The following SPOCK1 variants were observed in gnomAD, a reference collection of about 807,000 sequenced individuals.
SPOCK1 encodes the protein testican-1.
A neutral mutation model predicts 55.3 loss-of-function variants in SPOCK1; 23 were observed. The ratio of observed to expected loss-of-function variants is 0.42; its 90% CI spans 0.30 to 0.59. The LOEUF is 0.59. SPOCK1 is among the 20% of genes least tolerant of loss of function. The pLI is 0.22. For synonymous variants in SPOCK1, 226 were observed against 221.0 expected (o/e 1.02, Z -0.20); for missense variants, 499 against 552.5 (o/e 0.90, Z 0.97).
rs143114620 is a variant in SPOCK1, at chr5:137,173,279, G to C, written c.233-32585C>G. ...ACTACAGCCAAGAAGGTAGCCCTTA[G>C]AGTTGACCTTTTCCAATGTATGGCC... On this transcript the variant is annotated intron_variant, in intron 3 of 10. Transcript: ENST00000394945. Among the ~76,000 whole-genome samples, 132 of 152,230 alleles carry C rather than the reference G, an allele frequency of 8.7e-4. 1 individual carries two copies. Among genetic ancestry groups the C allele is most frequent in the African/African-American group, 3.1e-3 (128 of 41,542 alleles).
chr5:137,192,260 A>C (rs1243926916), intron 3 of SPOCK1, among the ~76,000 whole-genome samples: 1 of 151,104 alleles, frequency 6.6e-6, no homozygotes, highest in Non-Finnish European at 1.5e-5. Context: ...AAAAAAGAAA[A>C]GGAAAACAAG....
intron 2 of SPOCK1, among the ~76,000 whole-genome samples, chr5:137,411,598 G>C (rs1752209322): frequency 6.6e-6 from 1 of 152,198 alleles, no homozygotes; most frequent in Admixed American, 6.5e-5. Flanking sequence ...GAAGCAAAGA[G>C]ACCCCAGGCT....
chr5:137,367,763 C>A (rs1329638485), intron 2 of SPOCK1, among the ~76,000 whole-genome samples: 1 of 152,192 alleles, frequency 6.6e-6, no homozygotes, highest in Non-Finnish European at 1.5e-5. Context: ...ACGTTGGAAC[C>A]AACACCATTT....
chr5:137,080,809 T>C (rs1289361025), intron 5 of SPOCK1, among the ~76,000 whole-genome samples: 1 of 152,190 alleles, frequency 6.6e-6, no homozygotes, highest in African/African-American at 2.4e-5. Flanking sequence ...TAAGTGGCTG[T>C]ATCAGAGAGA....
At chr5:137,210,355 G>C (rs777710537) in intron 3 of SPOCK1, among the ~76,000 whole-genome samples, 5 of 152,162 alleles carry the variant, frequency 3.3e-5, no homozygotes, top group Non-Finnish European at 7.4e-5. Context: ...TTCCAGGCTA[G>C]AACTGGATAC....
In SPOCK1 at chr5:137,461,290, G is replaced by A. The variant is rs185573516; in HGVS notation, c.186+37083C>T. On this transcript the variant is annotated intron_variant, in intron 2 of 10. Transcript: ENST00000394945. ...TTTAAGGGTATGTGATGCTCAAGCA[G>A]ATCTTAAAGAGACTGCAGCTACAGA... Among the ~76,000 whole-genome samples the A allele has an allele frequency of 9.2e-4, 140 of 152,336 alleles. 1 individual carries two copies. Among genetic ancestry groups the A allele is most frequent in the African/African-American group, 3.2e-3 (132 of 41,570 alleles).
intron 6 of SPOCK1, among the ~76,000 whole-genome samples, chr5:137,023,307 G>C (rs187827728): frequency 6.6e-6 from 1 of 152,104 alleles, no homozygotes; most frequent in Non-Finnish European, 1.5e-5. Context: ...ACTTATTTTG[G>C]TAATGTGAAA....
rs189662974 is a variant in SPOCK1, at chr5:137,399,772, T to A, written c.186+98601A>T. Among the ~76,000 whole-genome samples the A allele has an allele frequency of 8.0e-3, 1,214 of 151,874 alleles. 13 individuals are homozygous for A. The highest frequency in any genetic ancestry group is 0.02 in the South Asian group (98 of 4,800). ...GCTTTTAATTGTAAAAATTATTTTT[T>A]AAAAAAAAACTAGTAAGTAAACTTA... On this transcript the variant is annotated intron_variant, in intron 2 of 10. Transcript: ENST00000394945.
At chr5:137,209,498 C>T (rs1447765008) in intron 3 of SPOCK1, among the ~76,000 whole-genome samples, 2 of 152,208 alleles carry the variant, frequency 1.3e-5, no homozygotes, top group Admixed American at 6.5e-5. Flanking sequence ...TTACCATTGG[C>T]AGTAAATGTG....
chr5:137,346,217 G>A (rs1384530485), intron 2 of SPOCK1, among the ~76,000 whole-genome samples: 10 of 152,136 alleles, frequency 6.6e-5, no homozygotes, highest in Admixed American at 6.5e-4. Flanking sequence ...AGAATGAGAA[G>A]CCCAGGAAGA....
intron 2 of SPOCK1, among the ~76,000 whole-genome samples, chr5:137,388,180 T>C (rs1188393360): frequency 6.6e-6 from 1 of 152,210 alleles, no homozygotes; most frequent in Non-Finnish European, 1.5e-5. Context: ...AATCAACAGA[T>C]ATGAAGAGTC....
At chr5:137,335,551 G>A (rs930401917) in intron 2 of SPOCK1, among the ~76,000 whole-genome samples, 1 of 152,180 alleles carries the variant, frequency 6.6e-6, no homozygotes. Context: ...CATAACTGAA[G>A]AGTTAATAGC....
intron 2 of SPOCK1, among the ~76,000 whole-genome samples, chr5:137,381,734 C>G (rs557460074): frequency 2.6e-5 from 4 of 152,336 alleles, no homozygotes; most frequent in African/African-American, 7.2e-5. Context: ...GCCTGGCCCA[C>G]AAAATCATTT....
At chr5:136,981,102 G>T (rs1750721955) in intron 9 of SPOCK1, among the ~76,000 whole-genome samples, 1 of 152,174 alleles carries the variant, frequency 6.6e-6, no homozygotes, top group South Asian at 2.1e-4. Context: ...AAAACCCTTA[G>T]AAATGCAAGT....
intron 2 of SPOCK1, among the ~76,000 whole-genome samples, chr5:137,307,314 T>C (rs1465620529): frequency 2.0e-5 from 3 of 152,166 alleles, no homozygotes; most frequent in Admixed American, 1.3e-4. Context: ...CAAACATACA[T>C]ACCCATAAGC....
intron 6 of SPOCK1, among the ~76,000 whole-genome samples, chr5:137,066,058 A>C (rs1490939817): frequency 6.6e-6 from 1 of 152,228 alleles, no homozygotes; most frequent in Non-Finnish European, 1.5e-5. Context: ...ATAATGGCAG[A>C]CTTGGAGGCC....
At chr5:137,038,103 C>T (rs765187515) in intron 6 of SPOCK1, among the ~76,000 whole-genome samples, 1 of 152,178 alleles carries the variant, frequency 6.6e-6, no homozygotes, top group Non-Finnish European at 1.5e-5. Flanking sequence ...GCAAAAGCCT[C>T]ATGGATTGAA....
chr5:137,283,929 AAGC>A (rs1757218562), intron 2 of SPOCK1, among the ~76,000 whole-genome samples: 1 of 152,184 alleles, frequency 6.6e-6, no homozygotes, highest in South Asian at 2.1e-4. Flanking sequence ...GCCATTTTCT[AAGC>A]AGAAACCAAG....
At chr5:137,282,213 C>T (rs746751068) in intron 2 of SPOCK1, among the ~76,000 whole-genome samples, 63 of 152,150 alleles carry the variant, frequency 4.1e-4, no homozygotes, top group Non-Finnish European at 6.2e-4. Flanking sequence ...AAAAATATAC[C>T]GCTACTTTCC....
Sources: gnomAD v4.1 joint callset for allele counts (sites outside exome capture counted in the v4.1 genomes callset) on GRCh38, gnomAD v4.1.1 for gene constraint, MANE v1.5 for transcripts, NCBI Gene and HGNC (gene_info 2026-07-23, HGNC 2026-07-21) for gene names.